MFSD12: variants seen among roughly 807,000 people sequenced by gnomAD.
MFSD12 encodes the protein major facilitator superfamily domain-containing protein 12.
Under a neutral mutation model 51.2 loss-of-function variants are expected in MFSD12, and 67 were observed. The ratio of observed to expected loss-of-function variants is 1.31; its 90% CI spans 1.08 to 1.60. The LOEUF is 1.60. MFSD12 is among the 40% of genes most tolerant of loss of function. The pLI, the probability that MFSD12 is intolerant of heterozygous loss-of-function variation, is 0.00. For synonymous variants in MFSD12, 441 were observed against 316.7 expected, an observed-to-expected ratio of 1.39 and a Z score of -4.17; for missense variants, 921 against 673.0, an observed-to-expected ratio of 1.37 and a Z score of -4.08.
chr19:3,548,380 C>T (rs796723705), intron 2 of MFSD12, 113 bp from the exon 3 acceptor site: 1 of 1,374,012 alleles, frequency 7.3e-7, no homozygotes, highest in African/African-American at 1.5e-5. Context: ...ACAGGTGATT[C>T]CAACCACTGC....
Position 3,551,058 on chromosome 19 carries a change from T to G in MFSD12, c.435A>C (p.Thr145=). 1 of 1,612,812 alleles carries G rather than the reference T, an allele frequency of 6.2e-7. No homozygotes were observed. The highest frequency in any genetic ancestry group is 8.5e-7 in the Non-Finnish European group (1 of 1,179,940). The change falls in exon 2 of 10, where the codon ACA becomes ACC. Residue 145 remains threonine, a synonymous_variant. Coordinates refer to ENST00000355415, the MANE Select transcript of MFSD12 (RefSeq NM_174983.5). The surrounding 1 kb of genome is among the most constrained non-coding windows in gnomAD (Gnocchi z 4.6). ...GGATGAGGCTGAGGTGGGAGATCTGTGTGGAGGCCCAGCCAAACTGGAAGA... is the reference window on the plus strand; with the variant it reads ...GGATGAGGCTGAGGTGGGAGATCTGGGTGGAGGCCCAGCCAAACTGGAAGA... ...IVIFQFGWAS[T]QISHLSLIPE...
intron 3 of MFSD12, 29 bp from the exon 4 acceptor site, chr19:3,548,059 T>C (rs6510759): frequency 0.52 from 823,794 of 1,598,628 alleles, 222,993 homozygotes; most frequent in East Asian, 0.85. Context: ...CAGTCAGTGG[T>C]GGCGGGCCCA....
rs1273811079 is a variant in MFSD12 at position 3,551,114 on chromosome 19, C to A, written c.379G>T (p.Ala127Ser). 1.9e-6 allele frequency: 3 copies of A among 1,612,998 alleles called. No individual in the cohort carries two copies. The African/African-American group carries it at 4.0e-5, about 22-fold the overall frequency. The change falls in exon 2 of 10, where the codon GCC becomes TCC. Residue 127 changes from alanine (A) to serine (S), a missense_variant. Coordinates refer to ENST00000355415, the MANE Select transcript of MFSD12 (RefSeq NM_174983.5). This position sits in a 1 kb window ranked among gnomAD's most constrained non-coding sequence, Gnocchi z 4.6. ...ATGAACGGGCCGTAGTAGAGGAGGGCAGCCCACTCGGGCGTGGCCGCCCCA... is the reference window on the plus strand; with the variant it reads ...ATGAACGGGCCGTAGTAGAGGAGGGAAGCCCACTCGGGCGTGGCCGCCCCA... ...GCGAATPEWAALLYYGPFIVI... is the reference protein window; with the variant it reads ...GCGAATPEWASLLYYGPFIVI...
intron 1 of MFSD12, among the ~76,000 whole-genome samples, chr19:3,552,206 C>T (rs1388271550): frequency 7.3e-5 from 11 of 150,156 alleles, no homozygotes; most frequent in Non-Finnish European, 1.5e-4. Flanking sequence ...CTTGCTCTGT[C>T]GCCCAGGCTG....
chr19:3,546,185 G>C lies in MFSD12; in HGVS notation c.1195-17C>G. The C allele has an allele frequency of 6.2e-7, 1 of 1,611,648 alleles. No homozygotes were observed. Reference sequence around the variant, plus strand: ...TCCGCTGTTCTGTGGAGACACAGGCGAGGTGGTCAGCGTGCACCCCGAGAT... The same window carrying C: ...TCCGCTGTTCTGTGGAGACACAGGCCAGGTGGTCAGCGTGCACCCCGAGAT... On this transcript the variant is annotated splice_polypyrimidine_tract_variant and intron_variant, in intron 7 of 9. Coordinates refer to ENST00000355415, the MANE Select transcript of MFSD12 (RefSeq NM_174983.5).
intron 8 of MFSD12, 131 bp from the exon 9 acceptor site, chr19:3,545,070 A>G: frequency 8.5e-7 from 1 of 1,176,362 alleles, no homozygotes; most frequent in East Asian, 2.6e-5. Flanking sequence ...GGGCCCTGCC[A>G]CTCCCTCCCT....
chr19:3,543,915 G>A (rs752323695), downstream of MFSD12: 22 of 1,550,966 alleles, frequency 1.4e-5, no homozygotes, highest in South Asian at 6.0e-5. Flanking sequence ...GCGCCCGCCC[G>A]GCACCACCCA....
downstream of MFSD12, chr19:3,541,442 C>G (rs1465132002): frequency 6.6e-6 from 1 of 152,408 alleles, no homozygotes; most frequent in Non-Finnish European, 1.5e-5. Context: ...CCTGCCTCAG[C>G]CTCCTGAGTA....
downstream of MFSD12, chr19:3,541,635 T>C: frequency 1.0e-6 from 1 of 985,142 alleles, no homozygotes; most frequent in Non-Finnish European, 1.2e-6. Context: ...ACCCTATTTC[T>C]ATTTTTTAAA....
chr19:3,548,393 C>A (rs1391443251), intron 2 of MFSD12, 126 bp from the exon 3 acceptor site: 3 of 1,293,682 alleles, frequency 2.3e-6, no homozygotes, highest in African/African-American at 3.0e-5. Context: ...ACCACTGCCA[C>A]ACTGGGTGGC....
At chr19:3,544,104 A>G, downstream of MFSD12, 2 of 1,425,362 alleles carry the variant, frequency 1.4e-6, no homozygotes, top group Non-Finnish European at 9.3e-7. Context: ...ACAGAGGCAG[A>G]CACTGGGCTC....
chr19:3,541,351 C>T (rs1345023166), downstream of MFSD12, among the ~76,000 whole-genome samples: 1 of 151,412 alleles, frequency 6.6e-6, no homozygotes, highest in Non-Finnish European at 1.5e-5. Context: ...AAAAGAGGGT[C>T]TCGCTCGGTT....
At position 3,551,055 on chromosome 19, in the gene MFSD12, C is replaced by G. The variant is rs373148210; in HGVS notation, c.438G>C (p.Gln146His). Residue 146 changes from glutamine to histidine, a missense_variant, in exon 2 of 10, where the codon CAG becomes CAC. Coordinates refer to ENST00000355415, the MANE Select transcript of MFSD12 (RefSeq NM_174983.5). The surrounding 1 kb of genome is among the most constrained non-coding windows in gnomAD (Gnocchi z 4.6). Reference protein sequence around the residue: ...VIFQFGWASTQISHLSLIPEL... With the variant: ...VIFQFGWASTHISHLSLIPEL... Reference sequence around the variant, plus strand: ...CCGGGATGAGGCTGAGGTGGGAGATCTGTGTGGAGGCCCAGCCAAACTGGA... The same window carrying G: ...CCGGGATGAGGCTGAGGTGGGAGATGTGTGTGGAGGCCCAGCCAAACTGGA... The G allele has an allele frequency of 4.3e-6, 7 of 1,612,868 alleles. No homozygotes were observed. Among genetic ancestry groups the G allele is most frequent in the African/African-American group, 4.0e-5 (3 of 74,928 alleles).
At chr19:3,547,732 G>T (rs1034122808) in intron 4 of MFSD12, 116 bp downstream of exon 4, 1 of 1,302,290 alleles carries the variant, frequency 7.7e-7, no homozygotes, top group Non-Finnish European at 1.0e-6. Context: ...TGCCCTGGGT[G>T]TGGGCTGCAC....
Position 3,546,432 on chromosome 19 carries a change from G to C in MFSD12, c.1024-7C>G. The C allele has an allele frequency of 1.3e-6, 2 of 1,599,560 alleles. No individual in the cohort carries two copies. The highest frequency in any genetic ancestry group is 1.7e-6 in the Non-Finnish European group (2 of 1,174,010). On this transcript the variant is annotated splice_region_variant and splice_polypyrimidine_tract_variant and intron_variant, in intron 6 of 9. Transcript: ENST00000355415. Reference sequence around the variant, plus strand: ...GGCCTGAGAAGTAGGTCATCTGCAGGGACAGCCCCGGGGTCAGGCCCACAC... The same window carrying C: ...GGCCTGAGAAGTAGGTCATCTGCAGCGACAGCCCCGGGGTCAGGCCCACAC...
chr19:3,544,805 TCA>T lies in MFSD12; in HGVS notation c.1420+2_1420+3del, dbSNP rs1491145905. ...TGGGGAGGGAGGGGTGGGCCAGGAC[TCA>T]CAGCGTCGCAGGCGGGTCGGCCACA... On this transcript the variant is annotated splice_donor_variant and splice_donor_region_variant and intron_variant, in intron 9 of 9. Transcript: ENST00000355415. LOFTEE classifies it high-confidence loss of function. 3.1e-6 allele frequency: 5 copies of T among 1,611,960 alleles called. No homozygotes were observed. The highest frequency in any genetic ancestry group is 2.5e-6 in the Non-Finnish European group (3 of 1,179,084).
At chr19:3,541,251 G>A (rs941790091), downstream of MFSD12, among the ~76,000 whole-genome samples, 1 of 151,492 alleles carries the variant, frequency 6.6e-6, no homozygotes, top group African/African-American at 2.4e-5. Context: ...TAGGAGGATC[G>A]CTTGAGCCTA....
chr19:3,543,040 G>C (rs184050474), downstream of MFSD12: 1 of 1,606,128 alleles, frequency 6.2e-7, no homozygotes, highest in African/African-American at 1.3e-5. Context: ...GGGAGAGGGG[G>C]AGTCAGCCTC....
chr19:3,543,629 C>T (rs866326927), downstream of MFSD12: 28 of 1,544,276 alleles, frequency 1.8e-5, no homozygotes, highest in African/African-American at 4.1e-5. Context: ...CCCCAGCACC[C>T]GGTGGGGGAG....
Sources: gnomAD v4.1 joint callset for allele counts (sites outside exome capture counted in the v4.1 genomes callset) on GRCh38, gnomAD v4.1.1 for gene constraint, Gnocchi (gnomAD v3.1) non-coding constraint, MANE v1.5 for transcripts, NCBI Gene and HGNC (gene_info 2026-07-23, HGNC 2026-07-21) for gene names.